The following ANKRD10 variants were observed in gnomAD, a reference collection of about 807,000 sequenced individuals.
ANKRD10 encodes the protein ankyrin repeat domain-containing protein 10.
ANKRD10 carries 14 observed loss-of-function variants against 27.0 expected under a neutral mutation model. That is an observed-to-expected ratio of 0.52 (90% CI 0.34 to 0.81). The LOEUF is 0.81. Ranked by LOEUF, ANKRD10 falls within the 40% of genes least tolerant of loss-of-function variation. The pLI is 0.01. For synonymous variants in ANKRD10, 250 were observed against 224.5 expected (o/e 1.11, Z -1.01); for missense variants, 493 against 544.0 (o/e 0.91, Z 0.93).
In ANKRD10 at chr13:110,906,049, TCGCCACAA is replaced by T. The variant is rs2065522412; in HGVS notation, c.431_438del (p.Leu144GlnfsTer44). 1 of 1,599,552 alleles carries T rather than the reference TCGCCACAA, an allele frequency of 6.3e-7. No individual in the cohort carries two copies. Among genetic ancestry groups the T allele is most frequent in the Admixed American group, 1.7e-5 (1 of 58,586 alleles). On this transcript the variant is annotated frameshift_variant, in exon 3 of 6. Coordinates refer to ENST00000267339, the MANE Select transcript of ANKRD10 (RefSeq NM_017664.4). LOFTEE classifies it high-confidence loss of function. ...GACACTTACTCGACGTGAGCCCCAT[TCGCCACAA>T]GGGCACTGATGCATTCTAGGCTCCC...
chr13:110,891,309 T>A (rs192569157), intron 4 of ANKRD10, among the ~76,000 whole-genome samples: 53 of 152,298 alleles, frequency 3.5e-4, no homozygotes, highest in Admixed American at 5.9e-4. Flanking sequence ...GCGTTGAAAC[T>A]ACATTAGAAA....
intron 4 of ANKRD10, among the ~76,000 whole-genome samples, chr13:110,889,005 C>G (rs1382643865): frequency 2.0e-5 from 3 of 151,304 alleles, no homozygotes; most frequent in Non-Finnish European, 4.4e-5. Context: ...TGCTTCTTCC[C>G]CACGACTCTA....
chr13:110,890,295 G>C (rs535431160), intron 4 of ANKRD10, among the ~76,000 whole-genome samples: 1 of 152,068 alleles, frequency 6.6e-6, no homozygotes, highest in Non-Finnish European at 1.5e-5. Context: ...AAAAAATCCT[G>C]TTTTAATGAC....
chr13:110,895,536 G>A (rs905216323), intron 3 of ANKRD10, among the ~76,000 whole-genome samples: 16 of 151,564 alleles, frequency 1.1e-4, no homozygotes, highest in African/African-American at 3.2e-4. Context: ...GCAGTGAGCC[G>A]AGATCACACC....
chr13:110,892,968 G>T, intron 4 of ANKRD10, 60 bp downstream of exon 4: 2 of 1,590,666 alleles, frequency 1.3e-6, no homozygotes, highest in African/African-American at 1.4e-5. Context: ...GCCATAAAAA[G>T]AAAACATATT....
At chr13:110,910,999 G>A (rs1369793345) in intron 1 of ANKRD10, among the ~76,000 whole-genome samples, 1 of 152,144 alleles carries the variant, frequency 6.6e-6, no homozygotes, top group Admixed American at 6.5e-5. Flanking sequence ...AATGCAAAAA[G>A]ACGACTAACA....
chr13:110,890,049 T>C (rs995891589), intron 4 of ANKRD10, among the ~76,000 whole-genome samples: 1 of 152,188 alleles, frequency 6.6e-6, no homozygotes, highest in Non-Finnish European at 1.5e-5. Context: ...AAAGAATTTA[T>C]CATTTCTTTT....
chr13:110,897,641 T>G (rs1033885497), intron 3 of ANKRD10, among the ~76,000 whole-genome samples: 1 of 152,214 alleles, frequency 6.6e-6, no homozygotes, highest in Non-Finnish European at 1.5e-5. Context: ...TCTTGGGTAC[T>G]GTGAATAGTG....
Position 110,892,735 on chromosome 13 carries a change from C to G in ANKRD10, c.691+293G>C, listed in dbSNP as rs137908446. ...TTTTCTTTAATAGATATATTTCAAA[C>G]AGATACAACAAATTAAAAAATCTAA... On this transcript the variant is annotated intron_variant, in intron 4 of 5. Coordinates refer to ENST00000267339, the MANE Select transcript of ANKRD10 (RefSeq NM_017664.4). The G allele has an allele frequency of 5.5e-4, 582 of 1,057,022 alleles. 2 individuals carry two copies. In the Middle Eastern group the frequency reaches 0.016, roughly 28 times the overall value. 65.5% of individuals were successfully genotyped at this position (1,057,022 alleles called of 1,614,324 possible).
chr13:110,910,911 G>A, intron 1 of ANKRD10, 141 bp from the exon 2 acceptor site: 2 of 847,590 alleles, frequency 2.4e-6, no homozygotes, highest in South Asian at 2.1e-5. Flanking sequence ...CTTTCCCAAT[G>A]CCATGCAAAT....
chr13:110,914,755 C>T lies in ANKRD10; in HGVS notation c.180G>A (p.Thr60=). ...CGAAATGCGCGGCCCAGTGCACGGGCGTCCAGCCATAGAAGGAGTCCTCAG... is the reference window on the plus strand; with the variant it reads ...CGAAATGCGCGGCCCAGTGCACGGGTGTCCAGCCATAGAAGGAGTCCTCAG... The part of the protein sequence containing the change: ...LASEDSFYGW[T]PVHWAAHFGK... The change falls in exon 1 of 6, where the codon ACG becomes ACA. Residue 60 remains threonine (T), a synonymous_variant. Transcript: ENST00000267339. The T allele has an allele frequency of 1.3e-6, 2 of 1,595,768 alleles. No homozygotes were observed. Among genetic ancestry groups the T allele is most frequent in the South Asian group, 1.1e-5 (1 of 88,042 alleles).
intron 3 of ANKRD10, among the ~76,000 whole-genome samples, chr13:110,895,723 C>G (rs1045766518): frequency 2.6e-5 from 4 of 152,196 alleles, no homozygotes; most frequent in Admixed American, 1.3e-4. Flanking sequence ...GAAGACTACA[C>G]TGAATTTGGG....
At chr13:110,898,678 T>A (rs1374080208) in intron 3 of ANKRD10, among the ~76,000 whole-genome samples, 1 of 151,220 alleles carries the variant, frequency 6.6e-6, no homozygotes, top group Non-Finnish European at 1.5e-5. Flanking sequence ...GCTCAGGTGC[T>A]CCTCCCACTT....
chr13:110,892,132 A>G (rs2065090732), intron 4 of ANKRD10, among the ~76,000 whole-genome samples: 1 of 151,224 alleles, frequency 6.6e-6, no homozygotes, highest in East Asian at 2.0e-4. Flanking sequence ...AAAACAAAAA[A>G]CAAAAAACCC....
chr13:110,914,692 G>C (rs56924528), intron 1 of ANKRD10, 33 bp downstream of exon 1: 956,475 of 1,536,024 alleles, frequency 0.62, 302,794 homozygotes, highest in Middle Eastern at 0.69. Flanking sequence ...TGGACAGCCG[G>C]GGAAAATGGC....
chr13:110,897,293 A>AC (rs1280029853), intron 3 of ANKRD10, among the ~76,000 whole-genome samples: 5 of 46,916 alleles, frequency 1.1e-4, no homozygotes, highest in Non-Finnish European at 1.5e-4. Flanking sequence ...ATGCCTGGCT[A>AC]CTTTTTTTTT....
chr13:110,878,853 A>C lies in ANKRD10; in HGVS notation c.*784T>G, dbSNP rs2064758747. 1.3e-5 allele frequency: 2 copies of C among 152,530 alleles called. No individual in the cohort carries two copies. The highest frequency in any genetic ancestry group is 4.8e-5 in the African/African-American group (2 of 41,474). The allele number at this position is 152,530 out of a possible 1,614,324, so 9.4% of individuals were successfully genotyped here. A position where few individuals can be genotyped will look rare whatever the true frequency, so the allele number is the denominator to read the frequency against. On this transcript the variant is annotated 3_prime_UTR_variant, in exon 6 of 6. Coordinates refer to ENST00000267339, the MANE Select transcript of ANKRD10 (RefSeq NM_017664.4). ...CCCCAAAAAACAAAAACAAGGAAAA[A>C]AGAAAATACATGTCAACAGTCAGTT...
At chr13:110,892,070 A>G (rs2065089313) in intron 4 of ANKRD10, among the ~76,000 whole-genome samples, 1 of 151,496 alleles carries the variant, frequency 6.6e-6, no homozygotes, top group African/African-American at 2.4e-5. Context: ...AGATGTTTTC[A>G]ACTTCAAGAG....
chr13:110,906,772 C>T (rs2065550049), intron 2 of ANKRD10, among the ~76,000 whole-genome samples: 1 of 151,772 alleles, frequency 6.6e-6, no homozygotes, highest in East Asian at 1.9e-4. Context: ...AAAGGTAAAG[C>T]AAACCAAGCT....
Sources: allele counts gnomAD v4.1 joint callset (sites outside exome capture counted in the v4.1 genomes callset), GRCh38; gene constraint gnomAD v4.1.1; transcripts MANE v1.5; gene names NCBI Gene and HGNC (gene_info 2026-07-23, HGNC 2026-07-21).